SNTG1: variants seen among roughly 807,000 people sequenced by gnomAD.
SNTG1 encodes gamma-1-syntrophin.
Under a neutral mutation model 74.7 loss-of-function variants are expected in SNTG1, and 39 were observed. The ratio of observed to expected loss-of-function variants is 0.52; its 90% CI spans 0.40 to 0.68. SNTG1 has a LOEUF of 0.68. SNTG1 is among the 30% of genes least tolerant of loss of function. SNTG1 has a pLI of 0.00. For synonymous variants in SNTG1, 254 were observed against 217.1 expected, an observed-to-expected ratio of 1.17 and a Z score of -1.49; for missense variants, 685 against 609.5, an observed-to-expected ratio of 1.12 and a Z score of -1.30.
chr8:50,278,851 A>G (rs1487821637), intron 2 of SNTG1, among the ~76,000 whole-genome samples: 1 of 151,324 alleles, frequency 6.6e-6, no homozygotes, highest in East Asian at 1.9e-4. Context: ...TAAAAAATTC[A>G]TGTCTAAGAG....
chr8:50,473,624 T>A (rs1029872425), intron 8 of SNTG1, among the ~76,000 whole-genome samples: 1 of 152,178 alleles, frequency 6.6e-6, no homozygotes, highest in Admixed American at 6.5e-5. Context: ...CCCATGTTCA[T>A]GGAAGCATTT....
At chr8:50,681,165 C>T (rs905139700) in intron 15 of SNTG1, among the ~76,000 whole-genome samples, 1 of 151,736 alleles carries the variant, frequency 6.6e-6, no homozygotes, top group Non-Finnish European at 1.5e-5. Flanking sequence ...AAATAATAAC[C>T]TATTTTGGCC....
At chr8:50,412,333 G>T (rs2092959722) in intron 4 of SNTG1, among the ~76,000 whole-genome samples, 1 of 151,630 alleles carries the variant, frequency 6.6e-6, no homozygotes, top group African/African-American at 2.4e-5. Context: ...TCTTTCTGTG[G>T]GGCACTAAAG....
chr8:49,910,737 G>A (rs2306742), upstream of SNTG1, among the ~76,000 whole-genome samples: 1 of 152,146 alleles, frequency 6.6e-6, no homozygotes, highest in Admixed American at 6.5e-5. Flanking sequence ...TGGGAGACCA[G>A]AGGGAAAATG....
At chr8:50,046,690 C>T (rs1483032205) in intron 1 of SNTG1, among the ~76,000 whole-genome samples, 1 of 152,076 alleles carries the variant, frequency 6.6e-6, no homozygotes, top group Non-Finnish European at 1.5e-5. Flanking sequence ...CAGCATTTCT[C>T]TGTTATTTGT....
intron 1 of SNTG1, among the ~76,000 whole-genome samples, chr8:49,933,294 C>T (rs1233921473): frequency 6.6e-6 from 1 of 152,120 alleles, no homozygotes; most frequent in Admixed American, 6.6e-5. Flanking sequence ...TTATTATAGC[C>T]ATCCGAGTGG....
intron 17 of SNTG1, among the ~76,000 whole-genome samples, chr8:50,722,164 G>A (rs758282386): frequency 1.3e-4 from 18 of 139,114 alleles, no homozygotes; most frequent in African/African-American, 4.0e-4. Flanking sequence ...ATATATATAC[G>A]TATATGTGTG....
At position 50,349,018 on chromosome 8, in the gene SNTG1, GA is replaced by G. The variant is rs146191361; in HGVS notation, c.-27-45192del. 4.9e-3 allele frequency among the ~76,000 whole-genome samples: 739 copies of G among 152,292 alleles called. 8 individuals carry two copies. The highest frequency in any genetic ancestry group is 0.017 in the African/African-American group (704 of 41,572). On this transcript the variant is annotated intron_variant, in intron 2 of 18. Coordinates refer to ENST00000642720, the MANE Select transcript of SNTG1 (RefSeq NM_018967.5). ...TAACTGTTATAAGTATGACGTGAAA[GA>G]AGACATTTTGTATCTTCAAGAATAT... is the stretch of plus-strand genomic sequence containing the variant.
intron 18 of SNTG1, among the ~76,000 whole-genome samples, chr8:50,752,534 T>A (rs2095570194): frequency 6.6e-6 from 1 of 151,948 alleles, no homozygotes; most frequent in African/African-American, 2.4e-5. Context: ...ATTATTTTCA[T>A]TACTATAATA....
At chr8:50,193,605 A>G (rs1253187439) in intron 2 of SNTG1, among the ~76,000 whole-genome samples, 1 of 152,094 alleles carries the variant, frequency 6.6e-6, no homozygotes, top group Admixed American at 6.6e-5. Context: ...AAAGGATCAT[A>G]TCATCAGCAA....
intron 18 of SNTG1, among the ~76,000 whole-genome samples, chr8:50,779,603 G>A (rs1350968458): frequency 6.6e-6 from 1 of 150,398 alleles, no homozygotes; most frequent in Non-Finnish European, 1.5e-5. Flanking sequence ...GAGATTTTGG[G>A]CTGAGACAAT....
In SNTG1 at chr8:50,541,516, C is replaced by A. The variant is rs192432875; in HGVS notation, c.680+4708C>A. ...AACATTATATATGATACTATATAAC[C>A]TTATTTAATTCAATTTTTGATGCAT... On this transcript the variant is annotated intron_variant, in intron 11 of 18. Transcript: ENST00000642720. Among the ~76,000 whole-genome samples, 565 of 151,852 alleles carry A rather than the reference C, an allele frequency of 3.7e-3. 6 individuals are homozygous for A. Among genetic ancestry groups the A allele is most frequent in the African/African-American group, 0.012 (508 of 41,396 alleles).
At chr8:50,241,418 A>G (rs1351721708) in intron 2 of SNTG1, among the ~76,000 whole-genome samples, 2 of 152,166 alleles carry the variant, frequency 1.3e-5, no homozygotes, top group African/African-American at 2.4e-5. Context: ...AAGAAAAACA[A>G]TATTTTTTAA....
intron 1 of SNTG1, among the ~76,000 whole-genome samples, chr8:50,104,179 T>G (rs2080268785): frequency 6.6e-6 from 1 of 152,190 alleles, no homozygotes; most frequent in Non-Finnish European, 1.5e-5. Context: ...CAGCTGTGAA[T>G]CCATCTGGTC....
At chr8:50,297,285 T>C (rs1361432898) in intron 2 of SNTG1, among the ~76,000 whole-genome samples, 2 of 152,124 alleles carry the variant, frequency 1.3e-5, no homozygotes, top group Non-Finnish European at 2.9e-5. Flanking sequence ...ATGCCTGTGA[T>C]ACAAGTTAAA....
At chr8:50,652,480 G>A (rs1414899440) in intron 13 of SNTG1, among the ~76,000 whole-genome samples, 3 of 151,852 alleles carry the variant, frequency 2.0e-5, no homozygotes, top group Non-Finnish European at 4.4e-5. Context: ...AGTTCCATCC[G>A]TTTTTCATTT....
chr8:50,673,092 G>A (rs1237886289), intron 15 of SNTG1, among the ~76,000 whole-genome samples: 1 of 152,144 alleles, frequency 6.6e-6, no homozygotes, highest in Non-Finnish European at 1.5e-5. Flanking sequence ...TTGTAGTATA[G>A]TTTGAAGTCA....
At chr8:50,146,284 G>A (rs140399428) in intron 1 of SNTG1, among the ~76,000 whole-genome samples, 215 of 152,168 alleles carry the variant, frequency 1.4e-3, no homozygotes, top group African/African-American at 4.8e-3. Context: ...TTGGGAGGCC[G>A]AGGCGGGTGG....
At chr8:50,132,336 T>G (rs1045922195) in intron 1 of SNTG1, among the ~76,000 whole-genome samples, 12 of 152,220 alleles carry the variant, frequency 7.9e-5, no homozygotes, top group African/African-American at 2.9e-4. Context: ...AATTGAAACA[T>G]CCTAAATTTT....
Sources: allele counts gnomAD v4.1 joint callset (sites outside exome capture counted in the v4.1 genomes callset), GRCh38; gene constraint gnomAD v4.1.1; transcripts MANE v1.5; gene names NCBI Gene and HGNC (gene_info 2026-07-23, HGNC 2026-07-21).